SELENOF: variants seen among roughly 807,000 people sequenced by gnomAD.
The protein encoded by SELENOF is selenoprotein F.
A neutral mutation model predicts 20.5 loss-of-function variants in SELENOF; 16 were observed. That is an observed-to-expected ratio of 0.78 (90% CI 0.53 to 1.19). The LOEUF (loss-of-function observed/expected upper bound fraction) is 1.19. Among genes scored for constraint, SELENOF ranks in the 50% most tolerant of loss-of-function variants. SELENOF has a pLI of 0.00. For missense variants in SELENOF, 215 were observed against 194.2 expected, an observed-to-expected ratio of 1.11 and a Z score of -0.64; for synonymous variants, 78 against 74.5, an observed-to-expected ratio of 1.05 and a Z score of -0.24.
At chr1:86,870,484 A>T (rs2102072483) in intron 3 of SELENOF, among the ~76,000 whole-genome samples, 1 of 152,342 alleles carries the variant, frequency 6.6e-6, no homozygotes, top group East Asian at 1.9e-4. Flanking sequence ...GCAAAATACT[A>T]TGTAACACGC....
intron 2 of SELENOF, among the ~76,000 whole-genome samples, chr1:86,898,696 C>G (rs186944108): frequency 8.6e-5 from 13 of 151,836 alleles, no homozygotes; most frequent in African/African-American, 3.1e-4. Context: ...ATTCTCCTGC[C>G]TCAGCCTCCC....
intron 1 of SELENOF, among the ~76,000 whole-genome samples, chr1:86,909,861 TG>T (rs963754581): frequency 6.7e-4 from 102 of 152,150 alleles, no homozygotes; most frequent in African/African-American, 2.3e-3. Flanking sequence ...AAAAATTAGC[TG>T]GGCGTGGGGG....
At chr1:86,870,670 T>G (rs1442031426) in intron 3 of SELENOF, among the ~76,000 whole-genome samples, 32 of 152,014 alleles carry the variant, frequency 2.1e-4, no homozygotes, top group Non-Finnish European at 1.5e-5. Context: ...CAGGCTGGAG[T>G]GCAGTGGCGC....
chr1:86,866,332 T>C (rs1658595345), intron 4 of SELENOF, among the ~76,000 whole-genome samples: 1 of 145,230 alleles, frequency 6.9e-6, no homozygotes, highest in Non-Finnish European at 1.5e-5. Context: ...GGATGAACCC[T>C]GATCCAAGTA....
At chr1:86,912,333 A>G (rs1570412640) in intron 1 of SELENOF, among the ~76,000 whole-genome samples, 2 of 152,188 alleles carry the variant, frequency 1.3e-5, no homozygotes, top group African/African-American at 4.8e-5. Flanking sequence ...TCTAGTTTGG[A>G]TTCTGTGCAC....
At chr1:86,884,184 T>G (rs760235876) in intron 2 of SELENOF, among the ~76,000 whole-genome samples, 2 of 152,154 alleles carry the variant, frequency 1.3e-5, no homozygotes, top group South Asian at 4.1e-4. Context: ...TCTTTTTTCA[T>G]GACAAAACTT....
intron 4 of SELENOF, among the ~76,000 whole-genome samples, chr1:86,864,888 C>T (rs1381617605): frequency 6.6e-6 from 1 of 152,074 alleles, no homozygotes; most frequent in Non-Finnish European, 1.5e-5. Flanking sequence ...CCCACCTCCG[C>T]CTCCCAAAGT....
intron 3 of SELENOF, among the ~76,000 whole-genome samples, chr1:86,874,514 G>C (rs1419431282): frequency 6.6e-6 from 1 of 151,956 alleles, no homozygotes; most frequent in Admixed American, 6.6e-5. Context: ...AATGTCAAGG[G>C]ATTTAGAGCT....
At chr1:86,910,702 CAAA>C (rs36124875) in intron 1 of SELENOF, among the ~76,000 whole-genome samples, 9 of 82,796 alleles carry the variant, frequency 1.1e-4, no homozygotes, top group Admixed American at 1.4e-4. Flanking sequence ...GACTCCATAT[CAAA>C]AAAAAAAAAA....
intron 2 of SELENOF, among the ~76,000 whole-genome samples, chr1:86,884,993 A>G (rs114241861): frequency 0.022 from 3,358 of 152,288 alleles, 121 homozygotes; most frequent in African/African-American, 0.077. Flanking sequence ...GGAAGTAGAA[A>G]TATCTAACTA....
At chr1:86,886,003 C>CAAGT (rs1659206051) in intron 2 of SELENOF, among the ~76,000 whole-genome samples, 1 of 152,140 alleles carries the variant, frequency 6.6e-6, no homozygotes, top group Non-Finnish European at 1.5e-5. Flanking sequence ...ATTATCATGT[C>CAAGT]TACTTAATAG....
At chr1:86,883,067 A>G (rs919888406) in intron 2 of SELENOF, among the ~76,000 whole-genome samples, 2 of 151,706 alleles carry the variant, frequency 1.3e-5, no homozygotes, top group African/African-American at 4.8e-5. Flanking sequence ...CAGAGGTTGC[A>G]GTGAGCTGAG....
intron 2 of SELENOF, among the ~76,000 whole-genome samples, chr1:86,900,417 C>T (rs1659667009): frequency 6.7e-6 from 1 of 148,668 alleles, no homozygotes; most frequent in African/African-American, 2.6e-5. Flanking sequence ...GAAACCCCGT[C>T]TCCACCAAAA....
intron 3 of SELENOF, among the ~76,000 whole-genome samples, chr1:86,875,176 G>A (rs1027749924): frequency 2.6e-5 from 4 of 151,954 alleles, no homozygotes; most frequent in African/African-American, 9.7e-5. Flanking sequence ...GGGAGGTGGA[G>A]GTTGCAGTGA....
intron 1 of SELENOF, among the ~76,000 whole-genome samples, chr1:86,911,029 A>C (rs1432195698): frequency 2.0e-5 from 3 of 152,252 alleles, no homozygotes. Flanking sequence ...TATATGTGTC[A>C]CTAGAGATAA....
chr1:86,905,158 C>G (rs1031777135), intron 1 of SELENOF, among the ~76,000 whole-genome samples: 2 of 152,118 alleles, frequency 1.3e-5, no homozygotes, highest in Admixed American at 1.3e-4. Context: ...TCCTACTGAC[C>G]TACACTCCAT....
intron 1 of SELENOF, among the ~76,000 whole-genome samples, chr1:86,907,315 G>T (rs1659855488): frequency 6.6e-6 from 1 of 152,156 alleles, no homozygotes; most frequent in Non-Finnish European, 1.5e-5. Context: ...CTATATAAAT[G>T]TTTTTATCAC....
At chr1:86,914,392 G>A, upstream of SELENOF, 2 of 489,718 alleles carry the variant, frequency 4.1e-6, no homozygotes, top group Non-Finnish European at 7.4e-6. Flanking sequence ...AAGAAGCCAC[G>A]CCTTCGCCAG....
At chr1:86,868,026 A>T in intron 4 of SELENOF, 27 bp downstream of exon 4, 1 of 1,148,196 alleles carries the variant, frequency 8.7e-7, no homozygotes, top group African/African-American at 1.6e-5. Flanking sequence ...GGCTGGAAAA[A>T]AGAGATCTCC....
Sources: gnomAD v4.1 joint callset for allele counts (sites outside exome capture counted in the v4.1 genomes callset) on GRCh38, gnomAD v4.1.1 for gene constraint, MANE v1.5 for transcripts, NCBI Gene and HGNC (gene_info 2026-07-23, HGNC 2026-07-21) for gene names.